ARHGAP39: variants seen among roughly 807,000 people sequenced by gnomAD.
ARHGAP39 encodes rho GTPase-activating protein 39.
A neutral mutation model predicts 106.9 loss-of-function variants in ARHGAP39; 44 were observed. That is an observed-to-expected ratio of 0.41 (90% CI 0.32 to 0.53). ARHGAP39 has a LOEUF of 0.53. Among genes scored for constraint, ARHGAP39 ranks in the 20% least tolerant of loss-of-function variants. The pLI, the probability that ARHGAP39 is intolerant of heterozygous loss-of-function variation, is 0.21. For missense variants in ARHGAP39, 1,496 were observed against 1,577.3 expected, an observed-to-expected ratio of 0.95 and a Z score of 0.87; for synonymous variants, 768 against 693.2, an observed-to-expected ratio of 1.11 and a Z score of -1.69.
intron 1 of ARHGAP39, among the ~76,000 whole-genome samples, chr8:144,632,891 A>T (rs1219995082): frequency 6.6e-6 from 1 of 152,274 alleles, no homozygotes; most frequent in East Asian, 1.9e-4. Flanking sequence ...TAAGAGGTGA[A>T]TTATGAATCC....
chr8:144,675,776 C>T (rs558800335), intron 1 of ARHGAP39, among the ~76,000 whole-genome samples: 97 of 152,136 alleles, frequency 6.4e-4, no homozygotes, highest in African/African-American at 2.3e-3. Context: ...CGTGGTCTCG[C>T]TGGCCTCAGG....
intron 3 of ARHGAP39, among the ~76,000 whole-genome samples, chr8:144,566,792 T>C (rs900675469): frequency 5.3e-5 from 8 of 149,928 alleles, no homozygotes; most frequent in Non-Finnish European, 1.0e-4. Flanking sequence ...GAGGTGGAGG[T>C]TGCAGTGAGC....
chr8:144,603,739 T>A (rs1454757747), intron 2 of ARHGAP39, among the ~76,000 whole-genome samples: 5 of 148,302 alleles, frequency 3.4e-5, no homozygotes, highest in African/African-American at 1.2e-4. Flanking sequence ...TACACTGCAG[T>A]AGCACTGAAT....
Position 144,585,750 on chromosome 8 carries a change from A to T in ARHGAP39, c.81-4473T>A, listed in dbSNP as rs1819158492. On this transcript the variant is annotated intron_variant, in intron 2 of 11. Transcript: ENST00000377307. The surrounding 1 kb of genome is among the most constrained non-coding windows in gnomAD (Gnocchi z 4.6). Reference sequence around the variant, plus strand: ...CTGGTTGTGGCAGTCGGCTGTACACACCATGCTCTTAAATCTCAACCCTCA... The same window carrying T: ...CTGGTTGTGGCAGTCGGCTGTACACTCCATGCTCTTAAATCTCAACCCTCA... 6.6e-6 allele frequency among the ~76,000 whole-genome samples: 1 copy of T among 152,194 alleles called. No homozygotes were observed. The highest frequency in any genetic ancestry group is 6.5e-5 in the Admixed American group (1 of 15,288).
chr8:144,676,800 C>A (rs1354281870), intron 1 of ARHGAP39, among the ~76,000 whole-genome samples: 1 of 152,270 alleles, frequency 6.6e-6, no homozygotes, highest in Non-Finnish European at 1.5e-5. Context: ...CCTCGGCCAG[C>A]CCCAGAGAGA....
chr8:144,538,263 C>T (rs1011034809), intron 6 of ARHGAP39, among the ~76,000 whole-genome samples: 2 of 152,254 alleles, frequency 1.3e-5, no homozygotes, highest in African/African-American at 4.8e-5. Flanking sequence ...GAGGAGGGGG[C>T]TCCCCTCAGG....
At chr8:144,607,232 T>C (rs561718228) in intron 1 of ARHGAP39, among the ~76,000 whole-genome samples, 72 of 115,588 alleles carry the variant, frequency 6.2e-4, no homozygotes, top group African/African-American at 2.5e-3. Flanking sequence ...CGAGACATTG[T>C]CTCAAAAAAA....
chr8:144,698,680 G>A, the ARHGAP39 span: 1 of 349,852 alleles, frequency 2.9e-6, no homozygotes, highest in African/African-American at 2.2e-5. Flanking sequence ...GAACCTATCT[G>A]TTCCATCCAT....
At chr8:144,669,581 A>G (rs913556715) in intron 1 of ARHGAP39, among the ~76,000 whole-genome samples, 1 of 151,952 alleles carries the variant, frequency 6.6e-6, no homozygotes. Context: ...AAAAGAAAAA[A>G]TAACCCACAG....
intron 1 of ARHGAP39, among the ~76,000 whole-genome samples, chr8:144,608,513 G>C (rs772968324): frequency 6.6e-6 from 1 of 152,146 alleles, no homozygotes; most frequent in Non-Finnish European, 1.5e-5. Flanking sequence ...CAAATGCACC[G>C]GGTCTGCAAT....
intron 2 of ARHGAP39, among the ~76,000 whole-genome samples, chr8:144,589,632 G>C (rs1184056699): frequency 6.6e-6 from 1 of 152,254 alleles, no homozygotes; most frequent in Non-Finnish European, 1.5e-5. Context: ...TTCCGGGAGG[G>C]GCTAGTGTGC....
chr8:144,547,834 A>C lies in ARHGAP39; in HGVS notation c.1252T>G (p.Tyr418Asp), dbSNP rs770389063. Residue 418 changes from tyrosine to aspartate, a missense_variant, in exon 5 of 12, where the codon TAC becomes GAC. Transcript: ENST00000377307. This position sits in a 1 kb window ranked among gnomAD's most constrained non-coding sequence, Gnocchi z 5.2. ...PKLRAGPRHK[Y>D]APNPGGGSYS... is the part of the protein sequence containing the mutation. ...GAACCACCGCCGGGGTTGGGCGCGTACTTGTGCCGCGGGCCGGCGCGCAGC... is the reference window on the plus strand; with the variant it reads ...GAACCACCGCCGGGGTTGGGCGCGTCCTTGTGCCGCGGGCCGGCGCGCAGC... 2 of 1,590,808 alleles carry C rather than the reference A, an allele frequency of 1.3e-6. No individual in the cohort carries two copies. Among genetic ancestry groups the C allele is most frequent in the Admixed American group, 1.7e-5 (1 of 57,162 alleles).
chr8:144,639,348 A>C (rs1329292579), intron 1 of ARHGAP39, among the ~76,000 whole-genome samples: 1 of 151,704 alleles, frequency 6.6e-6, no homozygotes, highest in Non-Finnish European at 1.5e-5. Flanking sequence ...AAAAGAAAGA[A>C]AGAAAGAAAG....
chr8:144,589,963 T>C (rs1819330578), intron 2 of ARHGAP39, among the ~76,000 whole-genome samples: 1 of 152,216 alleles, frequency 6.6e-6, no homozygotes, highest in South Asian at 2.1e-4. Context: ...ACGTCACTGC[T>C]GCCTCGGGGC....
chr8:144,560,524 C>A (rs1818103458), intron 3 of ARHGAP39, among the ~76,000 whole-genome samples: 1 of 152,178 alleles, frequency 6.6e-6, no homozygotes, highest in South Asian at 2.1e-4. Context: ...CGGTACAGAA[C>A]AAAAAGCTAG....
chr8:144,642,539 C>T lies in ARHGAP39; in HGVS notation c.-81-36844G>A, dbSNP rs149419656. Among the ~76,000 whole-genome samples, 1,063 of 151,870 alleles carry T rather than the reference C, an allele frequency of 7.0e-3. 14 individuals are homozygous for T. The highest frequency in any genetic ancestry group is 0.024 in the African/African-American group (993 of 41,408). ...AAAAAAAAAAATTAGCCAGGTGATA[C>T]AGTTTGGCTCTGTGTCCCCACCCAA... is the stretch of plus-strand genomic sequence containing the variant. On this transcript the variant is annotated intron_variant, in intron 1 of 11. Coordinates refer to ENST00000377307, the MANE Select transcript of ARHGAP39 (RefSeq NM_025251.3).
chr8:144,678,279 A>AG (rs1201801347), intron 1 of ARHGAP39, among the ~76,000 whole-genome samples: 1 of 152,114 alleles, frequency 6.6e-6, no homozygotes, highest in East Asian at 1.9e-4. Flanking sequence ...CTAAAAAAAA[A>AG]AAAAGAAAAT....
chr8:144,606,380 A>G (rs1354236384), intron 1 of ARHGAP39, among the ~76,000 whole-genome samples: 1 of 152,206 alleles, frequency 6.6e-6, no homozygotes, highest in Non-Finnish European at 1.5e-5. Context: ...GGCCTACTCA[A>G]TGTGAACACG....
Position 144,666,573 on chromosome 8 carries a change from A to T in ARHGAP39, c.-82+19113T>A, listed in dbSNP as rs751483945. Reference sequence around the variant, plus strand: ...ATTCTCGTGATAGTGAATAAGTCTCACGAGATCTAATGGGTTTATGGGGGG... The same window carrying T: ...ATTCTCGTGATAGTGAATAAGTCTCTCGAGATCTAATGGGTTTATGGGGGG... On this transcript the variant is annotated intron_variant, in intron 1 of 11. Transcript: ENST00000377307. Among the ~76,000 whole-genome samples, 54 of 152,072 alleles carry T rather than the reference A, an allele frequency of 3.6e-4. 1 individual carries two copies. The highest frequency in any genetic ancestry group is 1.2e-4 in the Non-Finnish European group (8 of 68,012).
Sources: allele counts gnomAD v4.1 joint callset (sites outside exome capture counted in the v4.1 genomes callset), GRCh38; gene constraint gnomAD v4.1.1; non-coding constraint Gnocchi (gnomAD v3.1); transcripts MANE v1.5; gene names NCBI Gene and HGNC (gene_info 2026-07-23, HGNC 2026-07-21).